The following NEO1 variants were observed in gnomAD, a reference collection of about 807,000 sequenced individuals.
The protein encoded by NEO1 is neogenin 1, also known as neogenin.
In NEO1, 63 loss-of-function variants were observed where a neutral mutation model predicts 159.7. That is an observed-to-expected ratio of 0.39 (90% CI 0.32 to 0.49). The LOEUF (loss-of-function observed/expected upper bound fraction) is 0.49. NEO1 is among the 20% of genes least tolerant of loss of function. The probability of loss-of-function intolerance (pLI) is 0.85; values close to 1 mark genes in which losing one functional copy is unlikely to be tolerated. For missense variants in NEO1, 1,615 were observed against 1,831.0 expected (o/e 0.88, Z 2.15); for synonymous variants, 633 against 662.0 (o/e 0.96, Z 0.67).
At chr15:73,229,328 G>A (rs2038776761) in intron 7 of NEO1, among the ~76,000 whole-genome samples, 1 of 151,784 alleles carries the variant, frequency 6.6e-6, no homozygotes. Context: ...TGATGCTATT[G>A]TGAGTGGAAT....
intron 3 of NEO1, among the ~76,000 whole-genome samples, chr15:73,124,086 A>G (rs1404495838): frequency 6.6e-6 from 1 of 152,082 alleles, no homozygotes; most frequent in Non-Finnish European, 1.5e-5. Context: ...GTCTTGAGAC[A>G]CGGTCTTGCT....
Position 73,161,418 on chromosome 15 carries a change from T to C in NEO1, c.1016-14985T>C, listed in dbSNP as rs182907497. On this transcript the variant is annotated intron_variant, in intron 5 of 28. Coordinates refer to ENST00000261908, the MANE Select transcript of NEO1 (RefSeq NM_002499.4). The stretch of plus-strand genomic sequence containing the variant: ...GAATTTTCATACATATTTGCATCTA[T>C]AGTTGTGCCTCCATTTTTTTATTTG... Among the ~76,000 whole-genome samples the C allele has an allele frequency of 4.6e-3, 702 of 152,336 alleles. 6 individuals carry two copies. The highest frequency in any genetic ancestry group is 0.016 in the African/African-American group (665 of 41,558).
At chr15:73,172,395 G>A (rs914802416) in intron 5 of NEO1, among the ~76,000 whole-genome samples, 2 of 152,184 alleles carry the variant, frequency 1.3e-5, no homozygotes, top group East Asian at 3.9e-4. Context: ...AGTGGAAAGC[G>A]CTTATGAATG....
At chr15:73,152,318 A>C (rs2033437843) in intron 5 of NEO1, among the ~76,000 whole-genome samples, 1 of 152,128 alleles carries the variant, frequency 6.6e-6, no homozygotes, top group Non-Finnish European at 1.5e-5. Context: ...ACCCTTCCCA[A>C]AGAGGGGCCC....
intron 15 of NEO1, among the ~76,000 whole-genome samples, chr15:73,264,212 A>G (rs2040778998): frequency 6.6e-6 from 1 of 152,088 alleles, no homozygotes; most frequent in Non-Finnish European, 1.5e-5. Flanking sequence ...ATGTCCCTGT[A>G]GTGACCAGCT....
chr15:73,150,206 A>G (rs910905345), intron 5 of NEO1, among the ~76,000 whole-genome samples: 1 of 152,206 alleles, frequency 6.6e-6, no homozygotes, highest in Non-Finnish European at 1.5e-5. Context: ...AAACCAAATC[A>G]TTTTGTAAGA....
intron 1 of NEO1, among the ~76,000 whole-genome samples, chr15:73,079,048 C>T (rs924624927): frequency 1.3e-5 from 2 of 152,136 alleles, no homozygotes; most frequent in African/African-American, 4.8e-5. Context: ...CAGACTACTT[C>T]CTCTATTTCA....
At chr15:73,165,529 T>C (rs1276488126) in intron 5 of NEO1, among the ~76,000 whole-genome samples, 1 of 152,228 alleles carries the variant, frequency 6.6e-6, no homozygotes, top group Non-Finnish European at 1.5e-5. Context: ...TCAACAAGCA[T>C]GGTAAAAAAT....
At chr15:73,059,083 T>A (rs1375452544) in intron 1 of NEO1, among the ~76,000 whole-genome samples, 1 of 152,146 alleles carries the variant, frequency 6.6e-6, no homozygotes, top group Non-Finnish European at 1.5e-5. Flanking sequence ...ATGGCTTCAG[T>A]GTTAAGTAAT....
chr15:73,283,085 C>A lies in NEO1; in HGVS notation c.3384C>A (p.Thr1128=), dbSNP rs149995939. Reference sequence around the variant, plus strand: ...TTGTGATTATCGCTGTCTTTTGTACCCGTCGTACCACCTCTCACCAGAAAA... The same window carrying A: ...TTGTGATTATCGCTGTCTTTTGTACACGTCGTACCACCTCTCACCAGAAAA... ...VVVVIIAVFC[T]RRTTSHQKKK... Residue 1128 remains threonine, a synonymous_variant, in exon 23 of 29, where the codon ACC becomes ACA. Coordinates refer to ENST00000261908, the MANE Select transcript of NEO1 (RefSeq NM_002499.4). The A allele has an allele frequency of 3.5e-5, 56 of 1,613,986 alleles. No homozygotes were observed. Among genetic ancestry groups the A allele is most frequent in the Non-Finnish European group, 4.5e-5 (53 of 1,180,026 alleles).
chr15:73,253,557 C>T (rs545093417), intron 12 of NEO1, 108 bp downstream of exon 12: 18 of 667,424 alleles, frequency 2.7e-5, no homozygotes, highest in Middle Eastern at 2.7e-4. Context: ...AAATGAATGG[C>T]GATGTGGTAA....
chr15:73,138,546 G>C (rs1384726639), intron 5 of NEO1, among the ~76,000 whole-genome samples: 1 of 152,176 alleles, frequency 6.6e-6, no homozygotes, highest in Middle Eastern at 3.4e-3. Flanking sequence ...CACGAGGTCA[G>C]GAGATCGAGA....
At chr15:73,098,221 G>C (rs796855043) in intron 1 of NEO1, among the ~76,000 whole-genome samples, 2 of 152,086 alleles carry the variant, frequency 1.3e-5, no homozygotes, top group African/African-American at 4.8e-5. Flanking sequence ...TGGTTACTGG[G>C]TTCTTAAATT....
chr15:73,094,390 T>C (rs1277728237), intron 1 of NEO1, among the ~76,000 whole-genome samples: 1 of 152,260 alleles, frequency 6.6e-6, no homozygotes, highest in Non-Finnish European at 1.5e-5. Context: ...TAGCTTGTAT[T>C]AGTATTTCAT....
intron 1 of NEO1, among the ~76,000 whole-genome samples, chr15:73,073,527 A>G (rs1176331357): frequency 1.3e-5 from 2 of 152,134 alleles, no homozygotes; most frequent in African/African-American, 2.4e-5. Context: ...TAAGTATGCA[A>G]GGAAAATGGG....
chr15:73,206,803 C>A (rs59628124), intron 7 of NEO1, among the ~76,000 whole-genome samples: 43,619 of 151,140 alleles, frequency 0.29, 7,303 homozygotes, highest in East Asian at 0.57. Context: ...TTAAGAATGG[C>A]ATTTTCTTTT....
intron 27 of NEO1, 28 bp from the exon 28 acceptor site, chr15:73,301,293 C>T (rs780370048): frequency 6.2e-7 from 1 of 1,613,858 alleles, no homozygotes; most frequent in Non-Finnish European, 8.5e-7. Context: ...GGCTTGGCCA[C>T]ATATCTGATG....
At chr15:73,281,996 A>G (rs2041739472) in intron 22 of NEO1, among the ~76,000 whole-genome samples, 1 of 152,234 alleles carries the variant, frequency 6.6e-6, no homozygotes, top group South Asian at 2.1e-4. Flanking sequence ...CAGCCTCTGC[A>G]GCTTTTCCAG....
At chr15:73,070,870 C>A (rs2068498091) in intron 1 of NEO1, among the ~76,000 whole-genome samples, 1 of 152,196 alleles carries the variant, frequency 6.6e-6, no homozygotes. Flanking sequence ...GAAAGCAAAA[C>A]TGTGGATAAG....
Sources: allele counts gnomAD v4.1 joint callset (sites outside exome capture counted in the v4.1 genomes callset), GRCh38; gene constraint gnomAD v4.1.1; transcripts MANE v1.5; gene names NCBI Gene and HGNC (gene_info 2026-07-23, HGNC 2026-07-21).